The following YJU2 variants were observed in gnomAD, a reference collection of about 807,000 sequenced individuals.
YJU2 encodes the protein YJU2 splicing factor homolog.
A neutral mutation model predicts 39.6 loss-of-function variants in YJU2; 28 were observed. The observed-to-expected ratio is 0.71, with a 90% CI of 0.52 to 0.97. The LOEUF is 0.97. Ranked by LOEUF, YJU2 falls within the 50% of genes least tolerant of loss-of-function variation. YJU2 has a pLI of 0.00. For missense variants in YJU2, 328 were observed against 430.4 expected (o/e 0.76, Z 2.11); for synonymous variants, 184 against 182.4 (o/e 1.01, Z -0.07).
rs773415539 is a variant in YJU2 at position 4,262,076 on chromosome 19, C to G, written c.670C>G (p.Pro224Ala). 1 of 1,611,966 alleles carries G rather than the reference C, an allele frequency of 6.2e-7. No individual in the cohort carries two copies. The highest frequency in any genetic ancestry group is 8.5e-7 in the Non-Finnish European group (1 of 1,179,956). ...TGAGGCTGCTCCCTCGCCCCTGCAGCCAGCCCTTCGGCCCAACCCCACCGC... is the reference window on the plus strand; with the variant it reads ...TGAGGCTGCTCCCTCGCCCCTGCAGGCAGCCCTTCGGCCCAACCCCACCGC... ...EDEAAPSPLQ[P>A]ALRPNPTAIL... is the part of the protein sequence containing the mutation. The change falls in exon 6 of 8, where the codon CCA becomes GCA. Residue 224 changes from proline (P) to alanine (A), a missense_variant. Around this residue, in one of 2 missense-constraint regions of YJU2, gnomAD observed 244 missense variants for 264.6 expected, o/e 0.92. Transcript: ENST00000262962.
intron 4 of YJU2, among the ~76,000 whole-genome samples, chr19:4,257,993 C>T (rs1971035876): frequency 6.6e-6 from 1 of 152,228 alleles, no homozygotes; most frequent in South Asian, 2.1e-4. Flanking sequence ...CCACCCCACC[C>T]TGCCCCAGGG....
At chr19:4,247,729 A>T (rs1404712886) in intron 1 of YJU2, among the ~76,000 whole-genome samples, 1 of 149,330 alleles carries the variant, frequency 6.7e-6, no homozygotes, top group Admixed American at 6.8e-5. Flanking sequence ...CTGGTCATGC[A>T]GATAACCTCT....
At chr19:4,267,603 A>C in intron 6 of YJU2, 21 bp from the exon 7 acceptor site, 1 of 1,609,538 alleles carries the variant, frequency 6.2e-7, no homozygotes. Context: ...AGACCCCCAC[A>C]TGTGTCCCCA....
At chr19:4,250,744 C>T (rs1430356978) in intron 2 of YJU2, among the ~76,000 whole-genome samples, 1 of 151,946 alleles carries the variant, frequency 6.6e-6, no homozygotes, top group African/African-American at 2.4e-5. Flanking sequence ...CCCGTAAGCA[C>T]AAAGATTGCT....
chr19:4,262,072 G>A lies in YJU2; in HGVS notation c.666G>A (p.Leu222=). 6.2e-7 allele frequency: 1 copy of A among 1,612,258 alleles called. No individual in the cohort carries two copies. Among genetic ancestry groups the A allele is most frequent in the South Asian group, 1.1e-5 (1 of 91,084 alleles). Residue 222 remains leucine, a synonymous_variant, in exon 6 of 8, where the codon CTG becomes CTA. Coordinates refer to ENST00000262962, the MANE Select transcript of YJU2 (RefSeq NM_018074.6). ...AGGATGAGGCTGCTCCCTCGCCCCT[G>A]CAGCCAGCCCTTCGGCCCAACCCCA... ...DSEDEAAPSP[L]QPALRPNPTA...
chr19:4,264,623 A>T (rs1971101888), intron 6 of YJU2, among the ~76,000 whole-genome samples: 1 of 151,390 alleles, frequency 6.6e-6, no homozygotes, highest in African/African-American at 2.4e-5. Flanking sequence ...AGTAGCTGGG[A>T]TTACAGGCGC....
In YJU2 at chr19:4,251,149, G is replaced by T. The variant is rs1970973281; in HGVS notation, c.248G>T (p.Cys83Phe). ...IFRFYIKCTR[C>F]LAEITFKTDP... Reference sequence around the variant, plus strand: ...CGCTTTTACATCAAGTGCACGCGCTGCCTGGCAGAGATCACCTTCAAGGTA... The same window carrying T: ...CGCTTTTACATCAAGTGCACGCGCTTCCTGGCAGAGATCACCTTCAAGGTA... Residue 83 changes from cysteine (C) to phenylalanine (F), a missense_variant, in exon 3 of 8, where the codon TGC becomes TTC. Physicochemically the swap from Cys to Phe is radical, Grantham distance 205. This residue lies in a region of YJU2 where 84 missense variants were observed against 165.8 expected (regional missense o/e 0.51). Transcript: ENST00000262962. The T allele has an allele frequency of 6.2e-7, 1 of 1,613,930 alleles. No individual in the cohort carries two copies. The highest frequency in any genetic ancestry group is 1.7e-5 in the Admixed American group (1 of 59,992).
chr19:4,249,728 A>G (rs2144688003), intron 2 of YJU2, among the ~76,000 whole-genome samples: 1 of 149,250 alleles, frequency 6.7e-6, no homozygotes, highest in East Asian at 2.0e-4. Context: ...TTTTGTTGAG[A>G]CAGAGTCTTG....
intron 3 of YJU2, among the ~76,000 whole-genome samples, chr19:4,253,192 C>T (rs527657296): frequency 1.6e-5 from 2 of 126,242 alleles, no homozygotes; most frequent in East Asian, 4.9e-4. Flanking sequence ...AGACCCTGTC[C>T]GTGTCTACAC....
intron 4 of YJU2, among the ~76,000 whole-genome samples, chr19:4,256,619 G>C (rs1971023297): frequency 1.3e-5 from 2 of 152,222 alleles, no homozygotes; most frequent in African/African-American, 4.8e-5. Flanking sequence ...TTGAGAGTCA[G>C]GCATCCAGAA....
At chr19:4,267,595 AC>A in intron 6 of YJU2, 28 bp from the exon 7 acceptor site, 2 of 1,605,462 alleles carry the variant, frequency 1.2e-6, no homozygotes, top group Non-Finnish European at 1.7e-6. Flanking sequence ...TCCGGGCCAG[AC>A]CCCCACATGT....
chr19:4,262,141 G>C, intron 6 of YJU2, 27 bp downstream of exon 6: 1 of 1,579,800 alleles, frequency 6.3e-7, no homozygotes, highest in Non-Finnish European at 8.6e-7. Flanking sequence ...AGTCCTGGGG[G>C]CTCCCAGGTG....
In YJU2 at chr19:4,251,097, G is replaced by A. The variant is rs544803904; in HGVS notation, c.196G>A (p.Glu66Lys). ...TGCTCGGAAGGAGACGGTGCAGAACGAGGTCTACCTGGGCCTGCCCATCTT... is the reference window on the plus strand; with the variant it reads ...TGCTCGGAAGGAGACGGTGCAGAACAAGGTCTACCTGGGCCTGCCCATCTT... ...FNARKETVQNEVYLGLPIFRF... is the reference protein window; with the variant it reads ...FNARKETVQNKVYLGLPIFRF... Residue 66 changes from glutamate (E) to lysine (K), a missense_variant, in exon 3 of 8, where the codon GAG (glutamate) becomes AAG (lysine). By Grantham distance (56) the Glu-to-Lys change is moderately conservative. Transcript: ENST00000262962. 1.2e-6 allele frequency: 2 copies of A among 1,614,126 alleles called. No homozygotes were observed. Among genetic ancestry groups the A allele is most frequent in the Admixed American group, 1.7e-5 (1 of 60,018 alleles).
At chr19:4,256,169 C>CA (rs368146793) in intron 4 of YJU2, among the ~76,000 whole-genome samples, 5,222 of 117,328 alleles carry the variant, frequency 0.045, 167 homozygotes, top group African/African-American at 0.084. Context: ...AAGACTGTCG[C>CA]AAAAAAAAAA....
chr19:4,247,250 C>T, intron 1 of YJU2, 80 bp downstream of exon 1: 1 of 1,307,126 alleles, frequency 7.7e-7, no homozygotes, highest in Non-Finnish European at 1.1e-6. Context: ...TTCCTGAGAT[C>T]TCTTCTTTGG....
rs1469992418 is a variant in YJU2, at chr19:4,251,038, G to A, written c.137G>A (p.Cys46Tyr). The part of the protein sequence containing the change: ...MAPFNMRCKT[C>Y]GEYIYKGKKF... ...ATGCTGCCCCGCAGGTGTAAGACGT[G>A]CGGAGAATACATCTACAAGGGGAAG... Residue 46 changes from cysteine to tyrosine, a missense_variant, in exon 3 of 8, where the codon TGC becomes TAC. By Grantham distance (194) the Cys-to-Tyr change is radical. Transcript: ENST00000262962. 6 of 1,614,150 alleles carry A rather than the reference G, an allele frequency of 3.7e-6. No individual in the cohort carries two copies. The highest frequency in any genetic ancestry group is 2.2e-5 in the South Asian group (2 of 91,084).
At chr19:4,252,394 C>T (rs192490552) in intron 3 of YJU2, among the ~76,000 whole-genome samples, 1,730 of 150,838 alleles carry the variant, frequency 0.011, 35 homozygotes, top group African/African-American at 0.04. Flanking sequence ...GTCAGGAGAT[C>T]GAGACCATCC....
chr19:4,255,709 C>T (rs1202791792), intron 4 of YJU2, among the ~76,000 whole-genome samples: 1 of 122,794 alleles, frequency 8.1e-6, no homozygotes. Context: ...GCCTGGGTGA[C>T]AGAGCAAGAT....
intron 6 of YJU2, among the ~76,000 whole-genome samples, chr19:4,265,573 G>C (rs1852268353): frequency 1.3e-5 from 2 of 151,084 alleles, no homozygotes; most frequent in African/African-American, 4.9e-5. Flanking sequence ...TGTAGAAACA[G>C]GTTTGGGAAC....
Sources: gnomAD v4.1 joint callset for allele counts (sites outside exome capture counted in the v4.1 genomes callset) on GRCh38, gnomAD v4.1.1 for gene constraint, gnomAD v4.1.1 regional missense constraint, MANE v1.5 for transcripts, NCBI Gene and HGNC (gene_info 2026-07-23, HGNC 2026-07-21) for gene names.